The following STRBP variants were observed in gnomAD, a reference collection of about 807,000 sequenced individuals.
The protein encoded by STRBP is spermatid perinuclear RNA-binding protein.
In STRBP, 13 loss-of-function variants were observed where a neutral mutation model predicts 80.1. The ratio of observed to expected loss-of-function variants is 0.16; its 90% CI spans 0.11 to 0.26. STRBP has a LOEUF of 0.26. STRBP is among the 10% of genes least tolerant of loss of function. The pLI is 1.00. For missense variants in STRBP, 485 were observed against 815.2 expected (o/e 0.59, Z 4.93); for synonymous variants, 284 against 291.2 (o/e 0.98, Z 0.25).
At position 123,264,950 on chromosome 9, in the gene STRBP, T is replaced by C. The variant is rs1247888175; in HGVS notation, c.-302+3486A>G. On this transcript the variant is annotated intron_variant, in intron 1 of 18. Transcript: ENST00000348403. ...TGGAGAGAACTTTCAAAGCTCACTC[T>C]ATTCATCTTATATCCTACTGCTCAA... 2.0e-5 allele frequency among the ~76,000 whole-genome samples: 3 copies of C among 152,218 alleles called. No individual in the cohort carries two copies. The East Asian group carries it at 5.8e-4, about 29-fold the overall frequency.
At chr9:123,225,523 C>G (rs776705309) in intron 2 of STRBP, among the ~76,000 whole-genome samples, 1 of 152,118 alleles carries the variant, frequency 6.6e-6, no homozygotes, top group Non-Finnish European at 1.5e-5. Context: ...TATGAGGCAG[C>G]GCCTACCTCC....
intron 2 of STRBP, among the ~76,000 whole-genome samples, chr9:123,207,231 C>G (rs1346769625): frequency 6.6e-6 from 1 of 152,182 alleles, no homozygotes; most frequent in East Asian, 1.9e-4. Context: ...AGACAGACAA[C>G]ACCAACATTT....
intron 4 of STRBP, among the ~76,000 whole-genome samples, chr9:123,176,020 T>G (rs760203415): frequency 6.6e-6 from 1 of 152,206 alleles, no homozygotes; most frequent in African/African-American, 2.4e-5. Flanking sequence ...ATAACTTGAC[T>G]TCTTTTGAGC....
intron 13 of STRBP, among the ~76,000 whole-genome samples, chr9:123,140,508 T>C (rs568400333): frequency 6.6e-6 from 1 of 152,182 alleles, no homozygotes; most frequent in Admixed American, 6.5e-5. Flanking sequence ...GCTGGAGAAT[T>C]GCTTGAACCT....
At chr9:123,266,787 C>T (rs939075715) in intron 1 of STRBP, among the ~76,000 whole-genome samples, 1 of 152,020 alleles carries the variant, frequency 6.6e-6, no homozygotes, top group African/African-American at 2.4e-5. Flanking sequence ...CTGCCTTGCC[C>T]TTCCCTTACT....
chr9:123,152,415 GTA>G (rs1044621020), intron 11 of STRBP, among the ~76,000 whole-genome samples: 1 of 151,680 alleles, frequency 6.6e-6, no homozygotes, highest in Non-Finnish European at 1.5e-5. Context: ...ATACACACGT[GTA>G]TATATATATG....
intron 2 of STRBP, among the ~76,000 whole-genome samples, chr9:123,216,626 G>C (rs1017275501): frequency 3.0e-4 from 46 of 152,140 alleles, no homozygotes; most frequent in African/African-American, 9.4e-4. Flanking sequence ...CTGAGGTCCT[G>C]ACCACGATTC....
chr9:123,127,442 A>G (rs112752348), intron 18 of STRBP, among the ~76,000 whole-genome samples: 3 of 152,120 alleles, frequency 2.0e-5, no homozygotes, highest in African/African-American at 7.2e-5. Context: ...CTCTGACAAC[A>G]CCCTGCAGAT....
intron 2 of STRBP, among the ~76,000 whole-genome samples, chr9:123,198,064 A>G (rs1234640629): frequency 6.6e-6 from 1 of 152,020 alleles, no homozygotes; most frequent in Non-Finnish European, 1.5e-5. Context: ...AGTGATGTTG[A>G]GCATTTTTTT....
chr9:123,239,712 G>T (rs963249718), intron 1 of STRBP, among the ~76,000 whole-genome samples: 1 of 152,136 alleles, frequency 6.6e-6, no homozygotes, highest in Non-Finnish European at 1.5e-5. Context: ...ACTGACCTAG[G>T]AACTATACAC....
At chr9:123,154,170 G>A (rs1484337348) in intron 11 of STRBP, among the ~76,000 whole-genome samples, 1 of 152,150 alleles carries the variant, frequency 6.6e-6, no homozygotes, top group Non-Finnish European at 1.5e-5. Flanking sequence ...TGGCAACACG[G>A]TAAGTGGTTG....
intron 2 of STRBP, among the ~76,000 whole-genome samples, chr9:123,199,870 G>C (rs2039248458): frequency 6.6e-6 from 1 of 151,888 alleles, no homozygotes. Flanking sequence ...TCTTTCTCTT[G>C]CCTAACTGAT....
chr9:123,194,190 T>G (rs1210675936), intron 2 of STRBP, among the ~76,000 whole-genome samples: 1 of 152,186 alleles, frequency 6.6e-6, no homozygotes, highest in Non-Finnish European at 1.5e-5. Flanking sequence ...ACATCTATAC[T>G]CTTACCTCTT....
At chr9:123,127,473 G>C (rs1206999894) in intron 18 of STRBP, among the ~76,000 whole-genome samples, 2 of 152,152 alleles carry the variant, frequency 1.3e-5, no homozygotes, top group Non-Finnish European at 2.9e-5. Context: ...ATAACATGTA[G>C]CACCTGAGTA....
At chr9:123,213,245 T>C (rs1025689378) in intron 2 of STRBP, among the ~76,000 whole-genome samples, 4 of 152,226 alleles carry the variant, frequency 2.6e-5, no homozygotes, top group African/African-American at 9.6e-5. Flanking sequence ...TATAACGCCA[T>C]GAACTTGTGA....
intron 1 of STRBP, among the ~76,000 whole-genome samples, chr9:123,241,732 G>A (rs912224326): frequency 2.6e-5 from 4 of 151,934 alleles, no homozygotes; most frequent in African/African-American, 4.8e-5. Flanking sequence ...TCCTTTCCTA[G>A]AATAATCACC....
chr9:123,240,090 T>C (rs1782111177), intron 1 of STRBP, among the ~76,000 whole-genome samples: 1 of 152,250 alleles, frequency 6.6e-6, no homozygotes, highest in Admixed American at 6.5e-5. Flanking sequence ...ACCTAAGTCC[T>C]ACTTATTCTT....
chr9:123,163,494 A>G (rs1283223502), intron 6 of STRBP, among the ~76,000 whole-genome samples: 2 of 152,222 alleles, frequency 1.3e-5, no homozygotes, highest in African/African-American at 2.4e-5. Flanking sequence ...TCACCATCAG[A>G]ATGACCGTGT....
Position 123,116,000 on chromosome 9 carries a change from T to G in STRBP, c.*13A>C, listed in dbSNP as rs1230478705. 6.6e-6 allele frequency: 3 copies of G among 456,164 alleles called. No individual in the cohort carries two copies. The highest frequency in any genetic ancestry group is 1.3e-5 in the Non-Finnish European group (3 of 226,970). 28.3% of individuals were successfully genotyped at this position (456,164 alleles called of 1,614,324 possible). On this transcript the variant is annotated 3_prime_UTR_variant and NMD_transcript_variant, in exon 3 of 4. Coordinates refer to the STRBP transcript ENST00000471564. This position sits in a 1 kb window ranked among gnomAD's most constrained non-coding sequence, Gnocchi z 5.0. Reference sequence around the variant, plus strand: ...TTAACCTTCTGGTCCTTCCATCTCATTTCAAGGTGCTTTCAGCTTTCCTGA... The same window carrying G: ...TTAACCTTCTGGTCCTTCCATCTCAGTTCAAGGTGCTTTCAGCTTTCCTGA...
Sources: allele counts gnomAD v4.1 joint callset (sites outside exome capture counted in the v4.1 genomes callset), GRCh38; gene constraint gnomAD v4.1.1; non-coding constraint Gnocchi (gnomAD v3.1); transcripts MANE v1.5; gene names NCBI Gene and HGNC (gene_info 2026-07-23, HGNC 2026-07-21).